Variants in ITFG1 observed in about 807,000 individuals in gnomAD.
The protein encoded by ITFG1 is integrin alpha FG-GAP repeat containing 1, also known as T-cell immunomodulatory protein.
In ITFG1, 34 loss-of-function variants were observed where a neutral mutation model predicts 81.8. The ratio of observed to expected loss-of-function variants is 0.42; its 90% CI spans 0.32 to 0.55. ITFG1 has a LOEUF of 0.55. Ranked by LOEUF, ITFG1 falls within the 20% of genes least tolerant of loss-of-function variation. The pLI is 0.17. For synonymous variants in ITFG1, 285 were observed against 270.6 expected, an observed-to-expected ratio of 1.05 and a Z score of -0.52; for missense variants, 672 against 755.4, an observed-to-expected ratio of 0.89 and a Z score of 1.29.
At chr16:47,349,652 G>A (rs879325655) in intron 8 of ITFG1, among the ~76,000 whole-genome samples, 1 of 152,110 alleles carries the variant, frequency 6.6e-6, no homozygotes, top group Non-Finnish European at 1.5e-5. Context: ...ACAGATCAAT[G>A]AGAGAGAAAG....
intron 10 of ITFG1, among the ~76,000 whole-genome samples, chr16:47,271,585 G>GC (rs1966340737): frequency 6.6e-6 from 1 of 152,154 alleles, no homozygotes; most frequent in Non-Finnish European, 1.5e-5. Flanking sequence ...TTCTGGCCGG[G>GC]GCACTGGCTC....
At chr16:47,385,394 T>A (rs1467707014) in intron 6 of ITFG1, among the ~76,000 whole-genome samples, 3 of 152,236 alleles carry the variant, frequency 2.0e-5, no homozygotes, top group Admixed American at 1.3e-4. Flanking sequence ...CAATCTGAAG[T>A]TGGTAATTCT....
At chr16:47,307,231 T>C (rs1332127104) in intron 10 of ITFG1, among the ~76,000 whole-genome samples, 1 of 146,516 alleles carries the variant, frequency 6.8e-6, no homozygotes, top group Non-Finnish European at 1.5e-5. Context: ...TTAAAAATCA[T>C]AAAGGAATGC....
In ITFG1 at chr16:47,382,374, T is replaced by C. The variant is rs188787934; in HGVS notation, c.656-6434A>G. Among the ~76,000 whole-genome samples the C allele has an allele frequency of 4.6e-3, 707 of 152,352 alleles. 4 individuals carry two copies. Among genetic ancestry groups the C allele is most frequent in the Middle Eastern group, 0.01 (3 of 294 alleles). ...ATTGTTCCCCATTCACAAGTCTACA[T>C]TTCCAAGAATCATTTTAAAATTTCA... On this transcript the variant is annotated intron_variant, in intron 6 of 17. Transcript: ENST00000320640.
Position 47,452,774 on chromosome 16 carries a change from G to A in ITFG1, c.444C>T (p.Thr148=). 2 of 1,569,550 alleles carry A rather than the reference G, an allele frequency of 1.3e-6. No homozygotes were observed. The highest frequency in any genetic ancestry group is 1.7e-4 in the Middle Eastern group (1 of 5,782). Reference sequence around the variant, plus strand: ...CATCTTGAAAAGTCCTATTGAGTATGGTCATATTGTTAGGATCTGCAAAAA... The same window carrying A: ...CATCTTGAAAAGTCCTATTGAGTATAGTCATATTGTTAGGATCTGCAAAAA... ...QNQTLDPNNM[T]ILNRTFQDEP... is the part of the protein sequence containing the mutation. The change falls in exon 4 of 18, where the codon ACC becomes ACT. Residue 148 remains threonine (T), a synonymous_variant. Coordinates refer to ENST00000320640, the MANE Select transcript of ITFG1 (RefSeq NM_030790.5).
intron 5 of ITFG1, among the ~76,000 whole-genome samples, chr16:47,432,314 G>A (rs186897669): frequency 8.2e-4 from 125 of 152,300 alleles, no homozygotes; most frequent in African/African-American, 2.9e-3. Context: ...TGTCAACGCA[G>A]TATTCAACTG....
intron 14 of ITFG1, among the ~76,000 whole-genome samples, chr16:47,210,013 G>A (rs867069492): frequency 2.0e-5 from 3 of 152,126 alleles, no homozygotes; most frequent in Non-Finnish European, 2.9e-5. Flanking sequence ...AAACACTCAC[G>A]TGTAGATTTT....
rs116814401 is a variant in ITFG1 at position 47,387,304 on chromosome 16, A to G, written c.656-11364T>C. Among the ~76,000 whole-genome samples, 648 of 152,360 alleles carry G rather than the reference A, an allele frequency of 4.3e-3. 3 individuals carry two copies. Among genetic ancestry groups the G allele is most frequent in the African/African-American group, 0.015 (634 of 41,584 alleles). On this transcript the variant is annotated intron_variant, in intron 6 of 17. Coordinates refer to ENST00000320640, the MANE Select transcript of ITFG1 (RefSeq NM_030790.5). ...AATAGTCTAGCCAGTCACTAAACAA[A>G]TAAGCAAGCAAACAACAATAACAAG...
At chr16:47,245,995 G>A (rs1177559034) in intron 12 of ITFG1, among the ~76,000 whole-genome samples, 2 of 152,176 alleles carry the variant, frequency 1.3e-5, no homozygotes, top group Admixed American at 6.5e-5. Context: ...ACGATGATAG[G>A]AGATGAGAAA....
intron 6 of ITFG1, among the ~76,000 whole-genome samples, chr16:47,382,656 T>C (rs1194809458): frequency 2.0e-5 from 1 of 49,836 alleles, no homozygotes; most frequent in African/African-American, 7.7e-5. Flanking sequence ...AGTCGGGGGG[T>C]GGGGGTGGGT....
intron 2 of ITFG1, among the ~76,000 whole-genome samples, chr16:47,458,774 G>T (rs1425600609): frequency 6.6e-6 from 1 of 151,888 alleles, no homozygotes; most frequent in Non-Finnish European, 1.5e-5. Context: ...CTAATACAAT[G>T]AGACTACTGT....
rs781526193 is a variant in ITFG1, at chr16:47,325,771, C to G, written c.803-11948G>C. Among the ~76,000 whole-genome samples the G allele has an allele frequency of 9.9e-5, 15 of 152,166 alleles. No individual in the cohort carries two copies. In the East Asian group the frequency reaches 2.3e-3, roughly 24 times the overall value. On this transcript the variant is annotated intron_variant, in intron 8 of 17. Transcript: ENST00000320640. ...CACATACACCCTCCCAAGACTAAAC[C>G]AGGAAGAAGTTGATTCTCTGAATAG... is the stretch of plus-strand genomic sequence containing the variant.
In ITFG1 at chr16:47,202,090, G is replaced by A. The variant is rs114103792; in HGVS notation, c.1453+16778C>T. The A allele has an allele frequency of 6.9e-3, 1,057 of 152,278 alleles. 10 individuals are homozygous for A. Among genetic ancestry groups the A allele is most frequent in the African/African-American group, 0.024 (999 of 41,552 alleles). The allele number at this position is 152,278 out of a possible 1,614,324, so 9.4% of individuals were successfully genotyped here. A position where few individuals can be genotyped will look rare whatever the true frequency, so the allele number is the denominator to read the frequency against. ...TAACTCATAGGCTGAACGCTAAGAA[G>A]TAAATAGTACTCCCTGTCACATGTT... On this transcript the variant is annotated intron_variant, in intron 14 of 17. Coordinates refer to ENST00000320640, the MANE Select transcript of ITFG1 (RefSeq NM_030790.5).
chr16:47,405,132 C>T (rs1313728031), intron 6 of ITFG1, among the ~76,000 whole-genome samples: 3 of 151,952 alleles, frequency 2.0e-5, no homozygotes, highest in Admixed American at 6.6e-5. Context: ...TTTTGATATA[C>T]TCCCTATATC....
intron 8 of ITFG1, among the ~76,000 whole-genome samples, chr16:47,337,148 A>AG (rs1967716613): frequency 1.3e-5 from 2 of 151,256 alleles, no homozygotes; most frequent in Admixed American, 6.6e-5. Context: ...AAAAAAAAAA[A>AG]AAAAAGAAAA....
At chr16:47,323,366 G>A (rs1303974618) in intron 8 of ITFG1, among the ~76,000 whole-genome samples, 12 of 152,098 alleles carry the variant, frequency 7.9e-5, no homozygotes, top group Non-Finnish European at 2.9e-5. Context: ...AAGGAAGAGA[G>A]GCCTGAGCTA....
intron 8 of ITFG1, among the ~76,000 whole-genome samples, chr16:47,361,813 G>C (rs1382870861): frequency 6.6e-6 from 1 of 152,076 alleles, no homozygotes; most frequent in Non-Finnish European, 1.5e-5. Flanking sequence ...TCTGCCGATG[G>C]TTTCTGACCA....
intron 5 of ITFG1, among the ~76,000 whole-genome samples, chr16:47,435,403 GTATCA>G (rs1207477683): frequency 6.6e-6 from 1 of 152,196 alleles, no homozygotes; most frequent in Non-Finnish European, 1.5e-5. Flanking sequence ...CACACTGAGT[GTATCA>G]TTGACATTTC....
At chr16:47,396,880 C>T (rs1401933127) in intron 6 of ITFG1, among the ~76,000 whole-genome samples, 1 of 152,096 alleles carries the variant, frequency 6.6e-6, no homozygotes, top group Non-Finnish European at 1.5e-5. Flanking sequence ...AGGGAACGAA[C>T]TGAGCTGGCT....
Sources: gnomAD v4.1 joint callset for allele counts (sites outside exome capture counted in the v4.1 genomes callset) on GRCh38, gnomAD v4.1.1 for gene constraint, MANE v1.5 for transcripts, NCBI Gene and HGNC (gene_info 2026-07-23, HGNC 2026-07-21) for gene names.